The following PLCL1 variants were observed in gnomAD, a reference collection of about 807,000 sequenced individuals.
The protein encoded by PLCL1 is inactive phospholipase C-like protein 1.
In PLCL1, 41 loss-of-function variants were observed where a neutral mutation model predicts 84.4. The ratio of observed to expected loss-of-function variants is 0.49; its 90% CI spans 0.38 to 0.63. PLCL1 has a LOEUF of 0.63. PLCL1 is among the 30% of genes least tolerant of loss of function. The pLI, the probability that PLCL1 is intolerant of heterozygous loss-of-function variation, is 0.00. For missense variants in PLCL1, 1,206 were observed against 1,367.8 expected (o/e 0.88, Z 1.87); for synonymous variants, 490 against 488.3 (o/e 1.00, Z -0.05).
At chr2:197,994,237 A>G (rs139380513) in intron 1 of PLCL1, among the ~76,000 whole-genome samples, 1 of 152,188 alleles carries the variant, frequency 6.6e-6, no homozygotes, top group Non-Finnish European at 1.5e-5. Flanking sequence ...TTATGCCCTC[A>G]GTAGAGATGA....
intron 1 of PLCL1, among the ~76,000 whole-genome samples, chr2:198,082,359 G>A (rs977986404): frequency 6.6e-6 from 1 of 151,962 alleles, no homozygotes; most frequent in Non-Finnish European, 1.5e-5. Flanking sequence ...CAGGAGAATC[G>A]CTTGAACTCG....
In PLCL1 at chr2:197,923,959, C is replaced by A. The variant is rs567638589; in HGVS notation, c.240+118620C>A. On this transcript the variant is annotated intron_variant, in intron 1 of 5. Transcript: ENST00000428675. The stretch of plus-strand genomic sequence containing the variant: ...TCACTCGCGGTTAGGGGCTGGAGAC[C>A]GGCCCGGCCAACACAGCGAAACCCC... Among the ~76,000 whole-genome samples, 5 of 151,848 alleles carry A rather than the reference C, an allele frequency of 3.3e-5. No individual in the cohort carries two copies. The South Asian group carries it at 6.3e-4, about 19-fold the overall frequency.
At chr2:197,871,276 C>T (rs1208228752) in intron 1 of PLCL1, among the ~76,000 whole-genome samples, 1 of 151,958 alleles carries the variant, frequency 6.6e-6, no homozygotes, top group Non-Finnish European at 1.5e-5. Flanking sequence ...GGAGAGAAAC[C>T]CCTAGTCTTC....
intron 5 of PLCL1, among the ~76,000 whole-genome samples, chr2:198,127,586 T>C (rs1694018583): frequency 6.6e-6 from 1 of 152,146 alleles, no homozygotes; most frequent in Admixed American, 6.5e-5. Flanking sequence ...CATCTGAAAA[T>C]GTGTGTACAT....
At chr2:198,088,206 A>G (rs1470662756) in intron 2 of PLCL1, among the ~76,000 whole-genome samples, 1 of 152,198 alleles carries the variant, frequency 6.6e-6, no homozygotes, top group East Asian at 1.9e-4. Flanking sequence ...TTATCTTAAC[A>G]TAAAGTCTTT....
intron 5 of PLCL1, among the ~76,000 whole-genome samples, chr2:198,116,561 A>G (rs1303456789): frequency 6.6e-6 from 1 of 151,926 alleles, no homozygotes; most frequent in African/African-American, 2.4e-5. Flanking sequence ...AAATTTACAC[A>G]TAACTCTTCA....
intron 1 of PLCL1, among the ~76,000 whole-genome samples, chr2:197,871,413 G>A (rs768782529): frequency 3.9e-5 from 6 of 152,084 alleles, no homozygotes; most frequent in Non-Finnish European, 7.4e-5. Flanking sequence ...GTGTTGAAAC[G>A]CCTGAGGTTC....
At chr2:197,920,461 A>G (rs1281405400) in intron 1 of PLCL1, among the ~76,000 whole-genome samples, 1 of 152,144 alleles carries the variant, frequency 6.6e-6, no homozygotes, top group African/African-American at 2.4e-5. Context: ...CTCCTTTGAA[A>G]TGGTAACTTC....
chr2:197,988,630 G>A (rs1690270016), intron 1 of PLCL1, among the ~76,000 whole-genome samples: 2 of 152,134 alleles, frequency 1.3e-5, no homozygotes, highest in Non-Finnish European at 2.9e-5. Flanking sequence ...TGATTGATGG[G>A]AACTTAGCTT....
intron 1 of PLCL1, among the ~76,000 whole-genome samples, chr2:198,032,824 T>C (rs1574261367): frequency 6.6e-6 from 1 of 152,182 alleles, no homozygotes; most frequent in East Asian, 1.9e-4. Flanking sequence ...TTAATTATTA[T>C]TATCTGGAAA....
At position 198,112,545 on chromosome 2, in the gene PLCL1, C is replaced by T. The variant is rs186816648; in HGVS notation, c.3105+8609C>T. 2.0e-5 allele frequency among the ~76,000 whole-genome samples: 3 copies of T among 152,004 alleles called. No individual in the cohort carries two copies. In the East Asian group the frequency reaches 5.8e-4, roughly 30 times the overall value. ...CCTCATGCCCCCTCCTCCACAGCCA[C>T]AGTTCTACTGTTCAGACCTACAATC... On this transcript the variant is annotated intron_variant, in intron 5 of 5. Coordinates refer to ENST00000428675, the MANE Select transcript of PLCL1 (RefSeq NM_006226.4).
chr2:198,030,349 G>T lies in PLCL1; in HGVS notation c.241-53409G>T, dbSNP rs185658945. On this transcript the variant is annotated intron_variant, in intron 1 of 5. Coordinates refer to ENST00000428675, the MANE Select transcript of PLCL1 (RefSeq NM_006226.4). ...CTTGCTTGCTTTTGTTGAGCAGGGG[G>T]TGGGTAACACTGCCCGGTGATTGTG... 5.3e-5 allele frequency among the ~76,000 whole-genome samples: 8 copies of T among 152,196 alleles called. 1 individual carries two copies. The highest frequency in any genetic ancestry group is 1.9e-4 in the African/African-American group (8 of 41,542).
At chr2:197,985,587 A>C (rs1392691274) in intron 1 of PLCL1, among the ~76,000 whole-genome samples, 1 of 152,182 alleles carries the variant, frequency 6.6e-6, no homozygotes, top group African/African-American at 2.4e-5. Flanking sequence ...GTACCCCATA[A>C]ATATGTACAA....
intron 1 of PLCL1, among the ~76,000 whole-genome samples, chr2:197,817,831 A>G (rs1690722004): frequency 6.6e-6 from 1 of 152,128 alleles, no homozygotes; most frequent in East Asian, 1.9e-4. Context: ...GCCTTGACAA[A>G]TGTCTTTACT....
At chr2:197,854,585 G>A (rs550310894) in intron 1 of PLCL1, among the ~76,000 whole-genome samples, 14 of 152,252 alleles carry the variant, frequency 9.2e-5, no homozygotes, top group African/African-American at 3.4e-4. Flanking sequence ...CATAATTTAT[G>A]TTAACATTTA....
intron 1 of PLCL1, among the ~76,000 whole-genome samples, chr2:197,838,194 C>T (rs867803758): frequency 1.3e-5 from 2 of 152,166 alleles, no homozygotes; most frequent in Non-Finnish European, 1.5e-5. Context: ...TCTAGTGATG[C>T]TAGCTAATCA....
intron 1 of PLCL1, among the ~76,000 whole-genome samples, chr2:197,864,690 C>G (rs990426147): frequency 6.6e-6 from 1 of 151,980 alleles, no homozygotes; most frequent in Non-Finnish European, 1.5e-5. Context: ...CCCCGGCTGG[C>G]CTTGAACTCA....
chr2:197,992,681 G>A (rs1690369674), intron 1 of PLCL1, among the ~76,000 whole-genome samples: 1 of 152,104 alleles, frequency 6.6e-6, no homozygotes, highest in African/African-American at 2.4e-5. Flanking sequence ...CGCTGAAACT[G>A]TACTCATTAA....
chr2:197,888,032 C>A (rs1350135755), intron 1 of PLCL1, among the ~76,000 whole-genome samples: 1 of 151,366 alleles, frequency 6.6e-6, no homozygotes, highest in African/African-American at 2.4e-5. Flanking sequence ...GTTGAAGCTG[C>A]AGTGAGCTGT....
Sources: gnomAD v4.1 joint callset for allele counts (sites outside exome capture counted in the v4.1 genomes callset) on GRCh38, gnomAD v4.1.1 for gene constraint, MANE v1.5 for transcripts, NCBI Gene and HGNC (gene_info 2026-07-23, HGNC 2026-07-21) for gene names.